The following GALNT17 variants were observed in gnomAD, a reference collection of about 807,000 sequenced individuals.
The protein encoded by GALNT17 is polypeptide N-acetylgalactosaminyltransferase 17, also known as UDP-GalNAc:polypeptide N-acetylgalactosaminyltransferase-like 3.
In GALNT17, 29 loss-of-function variants were observed where a neutral mutation model predicts 63.7. The observed-to-expected ratio is 0.46, with a 90% CI of 0.34 to 0.62. GALNT17 has a LOEUF of 0.62. GALNT17 is among the 20% of genes least tolerant of loss of function. The probability of loss-of-function intolerance (pLI) is 0.01; values close to 1 mark genes in which losing one functional copy is unlikely to be tolerated. For synonymous variants in GALNT17, 305 were observed against 318.3 expected (o/e 0.96, Z 0.45); for missense variants, 603 against 799.6 (o/e 0.75, Z 2.97).
chr7:71,136,033 G>A (rs1585828900), intron 1 of GALNT17, among the ~76,000 whole-genome samples: 2 of 152,178 alleles, frequency 1.3e-5, no homozygotes, highest in African/African-American at 4.8e-5. Context: ...GAAGCCTGCA[G>A]AAAAAGAGCA....
At chr7:71,216,544 A>C (rs973141665) in intron 1 of GALNT17, among the ~76,000 whole-genome samples, 1 of 152,034 alleles carries the variant, frequency 6.6e-6, no homozygotes, top group Non-Finnish European at 1.5e-5. Context: ...ATATACGTAT[A>C]TTATACATAT....
chr7:71,663,903 T>G (rs1790944417), intron 6 of GALNT17, among the ~76,000 whole-genome samples: 3 of 152,188 alleles, frequency 2.0e-5, no homozygotes, highest in Admixed American at 2.0e-4. Context: ...AAACTGTCAC[T>G]TATGCAGAGC....
At chr7:71,675,878 C>T (rs1321272398) in intron 8 of GALNT17, among the ~76,000 whole-genome samples, 1 of 152,072 alleles carries the variant, frequency 6.6e-6, no homozygotes, top group Admixed American at 6.6e-5. Flanking sequence ...ATCCCAGCTA[C>T]TCGGGAGGCT....
At chr7:71,321,894 C>T (rs185737177) in intron 1 of GALNT17, among the ~76,000 whole-genome samples, 1 of 92,284 alleles carries the variant, frequency 1.1e-5, no homozygotes, top group South Asian at 5.2e-4. Flanking sequence ...TTCCTTCCTT[C>T]CTTCCTTCCT....
At chr7:71,603,261 TTACTATGCTAAGTGCATACACTGGA>T (rs1432725524) in intron 6 of GALNT17, among the ~76,000 whole-genome samples, 12 of 150,316 alleles carry the variant, frequency 8.0e-5, no homozygotes, top group African/African-American at 1.5e-4. Context: ...CATATACCAG[TTACTATGCTAAGTGCATACACTGGA>T]TACTATGCTA....
intron 2 of GALNT17, among the ~76,000 whole-genome samples, chr7:71,351,593 T>C (rs1159139260): frequency 1.3e-5 from 2 of 151,576 alleles, no homozygotes; most frequent in Non-Finnish European, 2.9e-5. Flanking sequence ...CAGGCAGAGA[T>C]TGGAATGGAG....
Position 71,148,914 on chromosome 7 carries a change from C to T in GALNT17, c.238+15874C>T, listed in dbSNP as rs190113524. ...TATATGTATACCATAGTTAACCATACACAACTATTTGATTTTGTTGTTTTG... is the reference window on the plus strand; with the variant it reads ...TATATGTATACCATAGTTAACCATATACAACTATTTGATTTTGTTGTTTTG... On this transcript the variant is annotated intron_variant, in intron 1 of 10. Transcript: ENST00000333538. Among the ~76,000 whole-genome samples, 263 of 136,534 alleles carry T rather than the reference C, an allele frequency of 1.9e-3. 1 individual carries two copies. The Middle Eastern group carries it at 0.021, about 11-fold the overall frequency. The allele number at this position is 136,534 out of a possible 152,430, so 89.6% of individuals were successfully genotyped here.
chr7:71,312,900 A>G (rs1791434951), intron 1 of GALNT17, among the ~76,000 whole-genome samples: 1 of 152,198 alleles, frequency 6.6e-6, no homozygotes, highest in Admixed American at 6.6e-5. Context: ...AATTGAAGCC[A>G]GGAGTTCAAG....
intron 2 of GALNT17, among the ~76,000 whole-genome samples, chr7:71,355,911 CAT>C (rs1347480562): frequency 6.6e-6 from 1 of 152,166 alleles, no homozygotes; most frequent in African/African-American, 2.4e-5. Flanking sequence ...ATTTCTATCA[CAT>C]GAGGCATTCT....
At chr7:71,238,016 C>CTG (rs1201242007) in intron 1 of GALNT17, among the ~76,000 whole-genome samples, 2 of 152,154 alleles carry the variant, frequency 1.3e-5, no homozygotes, top group Non-Finnish European at 2.9e-5. Context: ...TTGAGAGAAG[C>CTG]TGTGCTTAAG....
chr7:71,264,373 T>C (rs1350310917), intron 1 of GALNT17, among the ~76,000 whole-genome samples: 2 of 152,164 alleles, frequency 1.3e-5, no homozygotes, highest in Non-Finnish European at 2.9e-5. Context: ...TTTCTGGGGT[T>C]ACCTGGGTTG....
chr7:71,138,812 A>G (rs1308187250), intron 1 of GALNT17, among the ~76,000 whole-genome samples: 1 of 152,022 alleles, frequency 6.6e-6, no homozygotes, highest in Non-Finnish European at 1.5e-5. Context: ...TGTCTCTACA[A>G]AAAAATACAA....
chr7:71,141,679 CTTTT>C (rs772422312), intron 1 of GALNT17, among the ~76,000 whole-genome samples: 3 of 139,426 alleles, frequency 2.2e-5, no homozygotes, highest in Admixed American at 7.3e-5. Flanking sequence ...TTCTTTCTTT[CTTTT>C]TTTTTTTTTT....
intron 1 of GALNT17, among the ~76,000 whole-genome samples, chr7:71,167,078 G>C (rs1788455963): frequency 6.9e-6 from 1 of 145,030 alleles, no homozygotes; most frequent in African/African-American, 2.6e-5. Context: ...GGAGAGACAG[G>C]GTCTCTCTGT....
At chr7:71,186,981 C>G (rs1035052792) in intron 1 of GALNT17, among the ~76,000 whole-genome samples, 1 of 152,168 alleles carries the variant, frequency 6.6e-6, no homozygotes, top group Non-Finnish European at 1.5e-5. Flanking sequence ...TCTCCCAGGT[C>G]CCTTTTCCTG....
At chr7:71,232,548 T>C (rs2116448365) in intron 1 of GALNT17, among the ~76,000 whole-genome samples, 1 of 152,056 alleles carries the variant, frequency 6.6e-6, no homozygotes, top group South Asian at 2.1e-4. Context: ...AGCCCTAAAA[T>C]TGGGGCTTAA....
chr7:71,421,164 G>A (rs948149446), intron 5 of GALNT17, 59 bp downstream of exon 5: 2 of 1,583,282 alleles, frequency 1.3e-6, no homozygotes, highest in Non-Finnish European at 1.7e-6. Context: ...GTAAAAAGGA[G>A]CTACTGAGAG....
intron 9 of GALNT17, among the ~76,000 whole-genome samples, chr7:71,677,736 T>A (rs659509): frequency 1.3e-5 from 2 of 152,054 alleles, no homozygotes; most frequent in African/African-American, 4.8e-5. Flanking sequence ...AGGATGGTCT[T>A]CATCTCCTGA....
intron 6 of GALNT17, among the ~76,000 whole-genome samples, chr7:71,580,888 C>T (rs1789626517): frequency 1.3e-5 from 2 of 152,082 alleles, no homozygotes; most frequent in Admixed American, 1.3e-4. Flanking sequence ...GAGCACTAAG[C>T]CTGAGATAGA....
Sources: gnomAD v4.1 joint callset for allele counts (sites outside exome capture counted in the v4.1 genomes callset) on GRCh38, gnomAD v4.1.1 for gene constraint, MANE v1.5 for transcripts, NCBI Gene and HGNC (gene_info 2026-07-23, HGNC 2026-07-21) for gene names.